Variants in TRMT9B observed in about 807,000 individuals in gnomAD.
TRMT9B encodes the protein probable tRNA methyltransferase 9B.
Under a neutral mutation model 11.5 loss-of-function variants are expected in TRMT9B, and 16 were observed. The ratio of observed to expected loss-of-function variants is 1.39; its 90% CI spans 0.94 to 2.11. TRMT9B has a LOEUF of 2.11. Among genes scored for constraint, TRMT9B ranks in the 30% most tolerant of loss-of-function variants. The probability of loss-of-function intolerance (pLI) is 0.00; values close to 1 mark genes in which losing one functional copy is unlikely to be tolerated. For missense variants in TRMT9B, 941 were observed against 553.8 expected (o/e 1.70, Z -7.02); for synonymous variants, 274 against 192.4 (o/e 1.42, Z -3.51).
Position 13,010,731 on chromosome 8 carries a change from A to G in TRMT9B, c.155-1953A>G, listed in dbSNP as rs553694326. ...CTTTCCCTTTCATTTCTCCTAAAGT[A>G]TCCCTCGAGCCAATGAAAAAGCAAA... On this transcript the variant is annotated intron_variant, in intron 3 of 4. Transcript: ENST00000524591. 6.1e-6 allele frequency: 6 copies of G among 984,642 alleles called. No homozygotes were observed. The Admixed American group carries it at 1.8e-4, about 30-fold the overall frequency. 61.0% of individuals were successfully genotyped at this position (984,642 alleles called of 1,614,324 possible).
At chr8:12,966,489 G>C (rs968371639) in intron 1 of TRMT9B, among the ~76,000 whole-genome samples, 1 of 152,116 alleles carries the variant, frequency 6.6e-6, no homozygotes, top group Admixed American at 6.5e-5. Flanking sequence ...TAGCTCCTAT[G>C]TTACCAATAA....
chr8:13,000,742 C>G (rs922333355), intron 2 of TRMT9B, among the ~76,000 whole-genome samples: 5 of 152,168 alleles, frequency 3.3e-5, no homozygotes, highest in African/African-American at 1.2e-4. Context: ...TGTCAGCATC[C>G]TTGCACGCTA....
intron 1 of TRMT9B, among the ~76,000 whole-genome samples, chr8:12,979,931 A>G (rs989377325): frequency 1.3e-5 from 2 of 152,180 alleles, no homozygotes; most frequent in African/African-American, 4.8e-5. Context: ...TGAGAAGGAC[A>G]AGGGCCCCTT....
chr8:12,978,410 T>G (rs1482831938), intron 1 of TRMT9B, among the ~76,000 whole-genome samples: 2 of 152,170 alleles, frequency 1.3e-5, no homozygotes, highest in African/African-American at 4.8e-5. Flanking sequence ...CTAATAAATC[T>G]GCTTTTCTTT....
At chr8:13,017,311 T>C (rs1333068475) in intron 4 of TRMT9B, among the ~76,000 whole-genome samples, 1 of 152,220 alleles carries the variant, frequency 6.6e-6, no homozygotes, top group South Asian at 2.1e-4. Context: ...AGATCATGTG[T>C]AACTTCTCAT....
rs555920414 is a variant in TRMT9B at position 13,018,980 on chromosome 8, TAAG to T, written c.329-2022_329-2020del. Among the ~76,000 whole-genome samples, 499 of 152,236 alleles carry T rather than the reference TAAG, an allele frequency of 3.3e-3. 4 individuals carry two copies. Among genetic ancestry groups the T allele is most frequent in the African/African-American group, 0.011 (458 of 41,544 alleles). Reference sequence around the variant, plus strand: ...CTTGATTACAGTATTAGAGTTGAAATAAGAAGAAAGAACATTACTTTGTTTCAT... The same window carrying T: ...CTTGATTACAGTATTAGAGTTGAAATAAGAAAGAACATTACTTTGTTTCAT... On this transcript the variant is annotated intron_variant, in intron 4 of 4. Transcript: ENST00000524591.
At chr8:12,979,724 A>C (rs949235564) in intron 1 of TRMT9B, among the ~76,000 whole-genome samples, 3 of 152,204 alleles carry the variant, frequency 2.0e-5, no homozygotes, top group African/African-American at 7.2e-5. Flanking sequence ...GATGTTTTTC[A>C]GAATCTTCAT....
At chr8:12,955,147 G>C (rs910957876) in intron 1 of TRMT9B, among the ~76,000 whole-genome samples, 3 of 152,060 alleles carry the variant, frequency 2.0e-5, no homozygotes, top group Non-Finnish European at 2.9e-5. Flanking sequence ...CCCCCATCTG[G>C]GTATACTGAA....
intron 4 of TRMT9B, among the ~76,000 whole-genome samples, chr8:13,015,669 C>G (rs1292004858): frequency 6.6e-6 from 1 of 152,118 alleles, no homozygotes; most frequent in African/African-American, 2.4e-5. Flanking sequence ...TCCTTGTAGT[C>G]TGCAAGGCCA....
intron 1 of TRMT9B, among the ~76,000 whole-genome samples, chr8:12,964,822 C>A (rs1213852753): frequency 6.6e-6 from 1 of 152,060 alleles, no homozygotes; most frequent in Non-Finnish European, 1.5e-5. Context: ...AAACTCCTGG[C>A]CTCAAATGAT....
rs1170533568 is a variant in TRMT9B at position 13,029,252 on chromosome 8, C to T, written c.*7208C>T. 1.2e-5 allele frequency: 2 copies of T among 166,928 alleles called. No individual in the cohort carries two copies. The highest frequency in any genetic ancestry group is 2.9e-5 in the Non-Finnish European group (2 of 68,106). The allele number at this position is 166,928 out of a possible 1,614,324, so 10.3% of individuals were successfully genotyped here. A position where few individuals can be genotyped will look rare whatever the true frequency, so the allele number is the denominator to read the frequency against. Reference sequence around the variant, plus strand: ...TATTAGATGTTATAGTGCCTCTTCTCGTGTTGATACGTGTATTTGGGTCAA... The same window carrying T: ...TATTAGATGTTATAGTGCCTCTTCTTGTGTTGATACGTGTATTTGGGTCAA... On this transcript the variant is annotated 3_prime_UTR_variant, in exon 5 of 5. Transcript: ENST00000524591.
At chr8:12,955,325 T>C (rs1801153659) in intron 1 of TRMT9B, among the ~76,000 whole-genome samples, 1 of 152,168 alleles carries the variant, frequency 6.6e-6, no homozygotes, top group South Asian at 2.1e-4. Flanking sequence ...TTAGAGATGA[T>C]GATGAGGTGG....
At chr8:12,986,404 A>G (rs903417511) in intron 1 of TRMT9B, among the ~76,000 whole-genome samples, 4 of 152,226 alleles carry the variant, frequency 2.6e-5, no homozygotes, top group Admixed American at 1.3e-4. Context: ...AGATCATAAG[A>G]CATATTGTCC....
At chr8:12,978,765 T>C (rs552966658) in intron 1 of TRMT9B, among the ~76,000 whole-genome samples, 2 of 152,202 alleles carry the variant, frequency 1.3e-5, no homozygotes, top group African/African-American at 4.8e-5. Flanking sequence ...AGGTTTTGAT[T>C]TGACAGATGA....
intron 1 of TRMT9B, chr8:12,951,703 C>G (rs950929807): frequency 6.6e-6 from 1 of 151,804 alleles, no homozygotes; most frequent in Non-Finnish European, 1.5e-5. Flanking sequence ...GAAGGCGGCC[C>G]GGGGAGGCGG....
chr8:12,993,139 C>A (rs185577510), intron 2 of TRMT9B, among the ~76,000 whole-genome samples: 1 of 152,116 alleles, frequency 6.6e-6, no homozygotes, highest in Non-Finnish European at 1.5e-5. Flanking sequence ...TGTCGTTGCA[C>A]GATATAAGAC....
In TRMT9B at chr8:12,971,495, T is replaced by C. The variant is rs189660874; in HGVS notation, c.-199-19339T>C. ...GTATTGGTGTTCCGACTTCAAATTG[T>C]GTATTAGCTGGATTTAAAATGAACT... On this transcript the variant is annotated intron_variant, in intron 1 of 4. Coordinates refer to ENST00000524591, the MANE Select transcript of TRMT9B (RefSeq NM_020844.3). 3.0e-3 allele frequency among the ~76,000 whole-genome samples: 460 copies of C among 152,320 alleles called. 1 individual carries two copies. Among genetic ancestry groups the C allele is most frequent in the African/African-American group, 0.01 (435 of 41,562 alleles).
At position 13,020,989 on chromosome 8, in the gene TRMT9B, C is replaced by G. The variant is rs1185309079; in HGVS notation, c.329-19C>G. ...TATGTGTGTGCATACACACTGAGAT[C>G]TAGTTTTGTCTTTTTCAGTCATACA... On this transcript the variant is annotated intron_variant, in intron 4 of 4. Coordinates refer to ENST00000524591, the MANE Select transcript of TRMT9B (RefSeq NM_020844.3). 4.7e-6 allele frequency: 7 copies of G among 1,487,226 alleles called. No homozygotes were observed. The highest frequency in any genetic ancestry group is 4.2e-5 in the African/African-American group (3 of 71,720). The allele number at this position is 1,487,226 out of a possible 1,614,324, so 92.1% of individuals were successfully genotyped here. A position where few individuals can be genotyped will look rare whatever the true frequency, so the allele number is the denominator to read the frequency against.
At chr8:12,980,516 G>A (rs1585185494) in intron 1 of TRMT9B, among the ~76,000 whole-genome samples, 1 of 152,258 alleles carries the variant, frequency 6.6e-6, no homozygotes, top group East Asian at 1.9e-4. Context: ...CTGCTCCCGT[G>A]TCTATGGTGA....
Sources: gnomAD v4.1 joint callset for allele counts (sites outside exome capture counted in the v4.1 genomes callset) on GRCh38, gnomAD v4.1.1 for gene constraint, MANE v1.5 for transcripts, NCBI Gene and HGNC (gene_info 2026-07-23, HGNC 2026-07-21) for gene names.